PDE4D: variants seen among roughly 807,000 people sequenced by gnomAD.
The protein encoded by PDE4D is 3',5'-cyclic-AMP phosphodiesterase 4D.
In PDE4D, 24 loss-of-function variants were observed where a neutral mutation model predicts 87.4. The ratio of observed to expected loss-of-function variants is 0.27; its 90% CI spans 0.20 to 0.39. The LOEUF (loss-of-function observed/expected upper bound fraction) is 0.39. PDE4D is among the 10% of genes least tolerant of loss of function. The probability of loss-of-function intolerance (pLI) is 1.00; values close to 1 mark genes in which losing one functional copy is unlikely to be tolerated. For synonymous variants in PDE4D, 384 were observed against 383.2 expected, an observed-to-expected ratio of 1.00 and a Z score of -0.02; for missense variants, 714 against 1,041.0, an observed-to-expected ratio of 0.69 and a Z score of 4.32.
chr5:60,072,132 C>A (rs879827163), intron 2 of PDE4D, among the ~76,000 whole-genome samples: 10 of 152,118 alleles, frequency 6.6e-5, no homozygotes, highest in Non-Finnish European at 1.3e-4. Context: ...TTTACATTCC[C>A]ACCAACAGTG....
chr5:59,934,402 C>A (rs958597725), intron 3 of PDE4D, among the ~76,000 whole-genome samples: 1 of 152,138 alleles, frequency 6.6e-6, no homozygotes, highest in Non-Finnish European at 1.5e-5. Context: ...CAGGGAGTGT[C>A]TGATACATGT....
At chr5:60,050,370 C>T (rs150185188) in intron 2 of PDE4D, among the ~76,000 whole-genome samples, 17 of 152,080 alleles carry the variant, frequency 1.1e-4, no homozygotes, top group East Asian at 9.7e-4. Flanking sequence ...TGTTCCTATT[C>T]GGCCATCTTG....
At chr5:59,952,195 C>T (rs1758362971) in intron 3 of PDE4D, among the ~76,000 whole-genome samples, 1 of 152,112 alleles carries the variant, frequency 6.6e-6, no homozygotes, top group African/African-American at 2.4e-5. Flanking sequence ...CATGCCTCTT[C>T]CCCTTCCTCC....
rs115388955 is a variant in PDE4D, at chr5:59,518,606, A to T, written c.456-302638T>A. ...CATGATAGTGTACAGGAGTCGAATA[A>T]ACAACAGGAATGAAAGAGGGGAAGA... On this transcript the variant is annotated intron_variant, in intron 1 of 14. Transcript: ENST00000340635. Among the ~76,000 whole-genome samples the T allele has an allele frequency of 4.6e-3, 706 of 152,272 alleles. 3 individuals are homozygous for T. Among genetic ancestry groups the T allele is most frequent in the African/African-American group, 0.016 (654 of 41,550 alleles).
chr5:60,377,022 C>T (rs1321465413), intron 1 of PDE4D, among the ~76,000 whole-genome samples: 6 of 152,188 alleles, frequency 3.9e-5, no homozygotes, highest in Non-Finnish European at 7.3e-5. Flanking sequence ...GTAAGTTTCA[C>T]GATGGCAAGG....
chr5:59,894,540 G>A (rs987754332), upstream of PDE4D, among the ~76,000 whole-genome samples: 1 of 152,160 alleles, frequency 6.6e-6, no homozygotes, highest in African/African-American at 2.4e-5. Context: ...GGCCTCGGGA[G>A]TGGTCCTCGC....
At chr5:59,395,131 C>A (rs1789117792) in intron 1 of PDE4D, among the ~76,000 whole-genome samples, 1 of 151,792 alleles carries the variant, frequency 6.6e-6, no homozygotes, top group Non-Finnish European at 1.5e-5. Flanking sequence ...GATCAAACTG[C>A]AAGGCAGCGG....
chr5:60,310,951 G>A (rs1181067982), intron 1 of PDE4D, among the ~76,000 whole-genome samples: 7 of 151,860 alleles, frequency 4.6e-5, no homozygotes, highest in African/African-American at 1.5e-4. Flanking sequence ...CCATACATAG[G>A]AAATATGAAG....
At chr5:59,163,366 G>C (rs960771193) in intron 5 of PDE4D, among the ~76,000 whole-genome samples, 4 of 151,196 alleles carry the variant, frequency 2.6e-5, no homozygotes, top group Admixed American at 6.6e-5. Context: ...CTGCCTCCCA[G>C]GTTCAAGCGA....
At chr5:59,835,784 G>C (rs1291963771) in intron 1 of PDE4D, among the ~76,000 whole-genome samples, 2 of 152,036 alleles carry the variant, frequency 1.3e-5, no homozygotes, top group Non-Finnish European at 2.9e-5. Context: ...GTCAAGGTTA[G>C]GTAGGAGCTT....
intron 2 of PDE4D, among the ~76,000 whole-genome samples, chr5:60,128,040 A>G (rs925652846): frequency 6.6e-6 from 1 of 152,198 alleles, no homozygotes; most frequent in African/African-American, 2.4e-5. Context: ...AGGACATGGT[A>G]GCAGGGAGAG....
intron 1 of PDE4D, among the ~76,000 whole-genome samples, chr5:59,821,535 G>C (rs1769674342): frequency 6.6e-6 from 1 of 152,200 alleles, no homozygotes; most frequent in South Asian, 2.1e-4. Flanking sequence ...GTTTTTGGAT[G>C]TGTACAATTC....
intron 1 of PDE4D, among the ~76,000 whole-genome samples, chr5:60,286,384 T>C (rs1021683842): frequency 1.3e-5 from 2 of 152,202 alleles, no homozygotes; most frequent in Non-Finnish European, 2.9e-5. Flanking sequence ...GGCCACTTTT[T>C]TCTTACATTT....
chr5:59,746,082 G>A (rs1037442266), intron 1 of PDE4D, among the ~76,000 whole-genome samples: 1 of 152,030 alleles, frequency 6.6e-6, no homozygotes, highest in Admixed American at 6.6e-5. Flanking sequence ...TGTGACAAAT[G>A]CAATATATAT....
intron 1 of PDE4D, among the ~76,000 whole-genome samples, chr5:59,375,628 A>T (rs116760661): frequency 6.6e-6 from 1 of 152,214 alleles, no homozygotes; most frequent in Non-Finnish European, 1.5e-5. Context: ...AGATGGTACC[A>T]TTCCTGCTGA....
intron 1 of PDE4D, among the ~76,000 whole-genome samples, chr5:59,706,378 C>A (rs567754199): frequency 6.6e-6 from 1 of 152,194 alleles, no homozygotes; most frequent in African/African-American, 2.4e-5. Flanking sequence ...ACCTTTTCAG[C>A]CACTAGCTTA....
intron 1 of PDE4D, among the ~76,000 whole-genome samples, chr5:59,364,723 CA>C (rs764086452): frequency 3.3e-5 from 5 of 152,128 alleles, no homozygotes; most frequent in Non-Finnish European, 7.4e-5. Context: ...TTGAAATAAA[CA>C]GAGCTAAAAG....
chr5:59,798,280 G>A (rs925380387), intron 1 of PDE4D, among the ~76,000 whole-genome samples: 2 of 151,496 alleles, frequency 1.3e-5, no homozygotes, highest in Non-Finnish European at 2.9e-5. Flanking sequence ...GTGTGTGTGT[G>A]TGTGTGTGTG....
At chr5:59,851,368 T>C (rs573883888) in intron 1 of PDE4D, among the ~76,000 whole-genome samples, 1 of 152,178 alleles carries the variant, frequency 6.6e-6, no homozygotes, top group Admixed American at 6.5e-5. Context: ...AGTTATGCTA[T>C]TGTTTTAAGC....
Sources: gnomAD v4.1 joint callset for allele counts (sites outside exome capture counted in the v4.1 genomes callset) on GRCh38, gnomAD v4.1.1 for gene constraint, MANE v1.5 for transcripts, NCBI Gene and HGNC (gene_info 2026-07-23, HGNC 2026-07-21) for gene names.